The following PHACTR2 variants were observed in gnomAD, a reference collection of about 807,000 sequenced individuals.
The protein encoded by PHACTR2 is phosphatase and actin regulator 2.
A neutral mutation model predicts 76.0 loss-of-function variants in PHACTR2; 30 were observed. The ratio of observed to expected loss-of-function variants is 0.39; its 90% CI spans 0.30 to 0.54. The LOEUF is 0.54. PHACTR2 is among the 20% of genes least tolerant of loss of function. PHACTR2 has a pLI of 0.61. For missense variants in PHACTR2, 696 were observed against 781.1 expected, an observed-to-expected ratio of 0.89 and a Z score of 1.30; for synonymous variants, 292 against 292.5, an observed-to-expected ratio of 1.00 and a Z score of 0.02.
rs542659001 is a variant in PHACTR2 at position 143,777,405 on chromosome 6, A to G, written c.1645+22A>G. The stretch of plus-strand genomic sequence containing the variant: ...AAACGTGAGTATTCTATACTATAGA[A>G]TGATTCCTTGTGTAATCGCTAACAA... On this transcript the variant is annotated intron_variant, in intron 9 of 12. Transcript: ENST00000440869. The surrounding 1 kb of genome is among the most constrained non-coding windows in gnomAD (Gnocchi z 4.6). 2.9e-6 allele frequency: 4 copies of G among 1,397,044 alleles called. No homozygotes were observed. The highest frequency in any genetic ancestry group is 2.5e-5 in the South Asian group (2 of 81,038). The allele number at this position is 1,397,044 out of a possible 1,614,324, so 86.5% of individuals were successfully genotyped here. A position where few individuals can be genotyped will look rare whatever the true frequency, so the allele number is the denominator to read the frequency against.
At chr6:143,635,421 C>A (rs1776434447) in intron 1 of PHACTR2, among the ~76,000 whole-genome samples, 1 of 152,032 alleles carries the variant, frequency 6.6e-6, no homozygotes, top group Non-Finnish European at 1.5e-5. Flanking sequence ...AAATGTAGGA[C>A]AAACTCTTCA....
intron 2 of PHACTR2, among the ~76,000 whole-genome samples, chr6:143,747,945 C>T (rs574003560): frequency 6.6e-6 from 1 of 152,222 alleles, no homozygotes; most frequent in Non-Finnish European, 1.5e-5. Flanking sequence ...AATTGAGATC[C>T]TGCTCCGGAG....
In PHACTR2 at chr6:143,583,094, G is replaced by A. The variant is rs1775592966; in HGVS notation, c.217+45887G>A. Among the ~76,000 whole-genome samples the A allele has an allele frequency of 6.6e-6, 1 of 152,164 alleles. No individual in the cohort carries two copies. Among genetic ancestry groups the A allele is most frequent in the Non-Finnish European group, 1.5e-5 (1 of 68,030 alleles). On this transcript the variant is annotated intron_variant, in intron 1 of 11. Coordinates refer to the PHACTR2 transcript ENST00000367584. The surrounding 1 kb of genome is among the most constrained non-coding windows in gnomAD (Gnocchi z 4.0). Reference sequence around the variant, plus strand: ...GACTTCTCAGAGAATTTAGAATTTAGTTAAATTTCTATTCTTGTCTTTGAA... The same window carrying A: ...GACTTCTCAGAGAATTTAGAATTTAATTAAATTTCTATTCTTGTCTTTGAA...
Position 143,774,002 on chromosome 6 carries a change from G to C in PHACTR2, c.1433-57G>C, listed in dbSNP as rs56937105. 1.7e-3 allele frequency: 2,591 copies of C among 1,514,798 alleles called. 42 individuals are homozygous for C. In the African/African-American group the frequency reaches 0.032, roughly 18 times the overall value. 93.8% of individuals were successfully genotyped at this position (1,514,798 alleles called of 1,614,324 possible). On this transcript the variant is annotated intron_variant, in intron 7 of 12. Coordinates refer to ENST00000440869, the MANE Select transcript of PHACTR2 (RefSeq NM_001100164.2). The surrounding 1 kb of genome is among the most constrained non-coding windows in gnomAD (Gnocchi z 5.4). ...TTAAAGTCCATGCCATGTGTAACCT[G>C]AGTGCCACTGGCTAAAAGCCTCTCT...
At position 143,760,627 on chromosome 6, in the gene PHACTR2, G is replaced by T. The variant is rs762568614; in HGVS notation, c.681G>T (p.Thr227=). ...CACCCAAGCCAGCAAGCCGAAACAC[G>T]ACCCGAGAGGCTGGTGAGTATGCCC... is the stretch of plus-strand genomic sequence containing the variant. ...VPPPKPASRN[T]TREAAGSSHS... The change falls in exon 5 of 13, where the codon ACG becomes ACT. Residue 227 remains threonine (T), a synonymous_variant. Transcript: ENST00000440869. The surrounding 1 kb of genome is among the most constrained non-coding windows in gnomAD (Gnocchi z 6.4). The T allele has an allele frequency of 2.5e-6, 4 of 1,613,850 alleles. No homozygotes were observed. The East Asian group carries it at 6.7e-5, about 27-fold the overall frequency.
In PHACTR2 at chr6:143,741,529, G is replaced by A. The variant is rs1220702449; in HGVS notation, c.215-7456G>A. On this transcript the variant is annotated intron_variant, in intron 2 of 12. Coordinates refer to ENST00000440869, the MANE Select transcript of PHACTR2 (RefSeq NM_001100164.2). ...AACAATAATAATAAGAAGAAGAATT[G>A]CTTAGCTTATCTTTTAGGGATAGTG... Among the ~76,000 whole-genome samples, 4 of 152,134 alleles carry A rather than the reference G, an allele frequency of 2.6e-5. No individual in the cohort carries two copies. In the East Asian group the frequency reaches 7.7e-4, roughly 29 times the overall value.
chr6:143,688,075 G>A lies in PHACTR2; in HGVS notation c.46+9866G>A, dbSNP rs1352842816. ...GGATATGTAGAGAATTGTAGGACTA[G>A]ATCAGGAGGCAAAACACATAATGGG... On this transcript the variant is annotated intron_variant, in intron 1 of 12. Coordinates refer to ENST00000440869, the MANE Select transcript of PHACTR2 (RefSeq NM_001100164.2). The surrounding 1 kb of genome is among the most constrained non-coding windows in gnomAD (Gnocchi z 5.2). Among the ~76,000 whole-genome samples the A allele has an allele frequency of 6.6e-6, 1 of 152,094 alleles. No homozygotes were observed. The highest frequency in any genetic ancestry group is 2.4e-5 in the African/African-American group (1 of 41,414).
chr6:143,604,741 C>T (rs919076005), upstream of PHACTR2, among the ~76,000 whole-genome samples: 2 of 151,654 alleles, frequency 1.3e-5, no homozygotes, highest in African/African-American at 2.4e-5. Context: ...ATTAGCCAGG[C>T]GGTGGTGATT....
At chr6:143,615,974 C>G (rs1776053228) in intron 1 of PHACTR2, among the ~76,000 whole-genome samples, 1 of 152,096 alleles carries the variant, frequency 6.6e-6, no homozygotes, top group Non-Finnish European at 1.5e-5. Flanking sequence ...CACAGTGAAA[C>G]AATAATCTCA....
chr6:143,734,348 C>G (rs1375435945), intron 2 of PHACTR2, among the ~76,000 whole-genome samples: 1 of 152,182 alleles, frequency 6.6e-6, no homozygotes, highest in East Asian at 1.9e-4. Context: ...AGGAGTCTCC[C>G]TTGCTTCCTG....
chr6:143,629,309 A>G (rs1469524200), intron 1 of PHACTR2, among the ~76,000 whole-genome samples: 2 of 152,102 alleles, frequency 1.3e-5, no homozygotes, highest in African/African-American at 2.4e-5. Flanking sequence ...AGAGCAGAAC[A>G]TATTTTTGGC....
chr6:143,603,970 G>T (rs1261304597), upstream of PHACTR2, among the ~76,000 whole-genome samples: 1 of 151,788 alleles, frequency 6.6e-6, no homozygotes, highest in African/African-American at 2.4e-5. Flanking sequence ...ATGGTGACAG[G>T]TGCCTGTAAC....
rs1776211256 is a variant in PHACTR2, at chr6:143,812,933, T to C, written c.1922+5800T>C. Among the ~76,000 whole-genome samples the C allele has an allele frequency of 2.6e-5, 4 of 152,334 alleles. 1 individual carries two copies. The South Asian group carries it at 8.3e-4, about 32-fold the overall frequency. ...TTCTAAAGATAAATTGCATGAAAGG[T>C]CAAATTTTACTTAAGTTCTAAACTG... On this transcript the variant is annotated intron_variant, in intron 12 of 12. Coordinates refer to ENST00000440869, the MANE Select transcript of PHACTR2 (RefSeq NM_001100164.2).
chr6:143,702,400 C>G (rs1004196543), intron 1 of PHACTR2, among the ~76,000 whole-genome samples: 1 of 152,140 alleles, frequency 6.6e-6, no homozygotes, highest in Non-Finnish European at 1.5e-5. Context: ...AGCCACGGCA[C>G]CCAGCCTGCT....
chr6:143,782,213 G>A lies in PHACTR2; in HGVS notation c.1646-1006G>A, dbSNP rs974602036. Among the ~76,000 whole-genome samples, 2 of 152,060 alleles carry A rather than the reference G, an allele frequency of 1.3e-5. No homozygotes were observed. Among genetic ancestry groups the A allele is most frequent in the Admixed American group, 6.6e-5 (1 of 15,260 alleles). On this transcript the variant is annotated intron_variant, in intron 9 of 12. Transcript: ENST00000440869. This position sits in a 1 kb window ranked among gnomAD's most constrained non-coding sequence, Gnocchi z 4.6. ...TGCACTCTAGCCTGGGTGACAGAGC[G>A]AGAATCCGTTTCAAAAAATAAAATA...
At chr6:143,781,871 G>A (rs751398126) in intron 9 of PHACTR2, among the ~76,000 whole-genome samples, 1 of 152,116 alleles carries the variant, frequency 6.6e-6, no homozygotes, top group Non-Finnish European at 1.5e-5. Context: ...CTTGTCTTGT[G>A]GATGATTACA....
chr6:143,801,934 A>C lies in PHACTR2; in HGVS notation c.1846-5123A>C, dbSNP rs114849065. Among the ~76,000 whole-genome samples, 1 of 151,686 alleles carries C rather than the reference A, an allele frequency of 6.6e-6. No individual in the cohort carries two copies. Among genetic ancestry groups the C allele is most frequent in the Non-Finnish European group, 1.5e-5 (1 of 67,944 alleles). On this transcript the variant is annotated intron_variant, in intron 11 of 12. Transcript: ENST00000440869. This position sits in a 1 kb window ranked among gnomAD's most constrained non-coding sequence, Gnocchi z 4.6. ...TGATACTATTCCTTTCTGTTTGCTC[A>C]TTTTCCTTCTAACAGATAGGCCCCT...
At chr6:143,802,479 A>G (rs947027908) in intron 11 of PHACTR2, among the ~76,000 whole-genome samples, 9 of 145,128 alleles carry the variant, frequency 6.2e-5, no homozygotes, top group Non-Finnish European at 1.4e-4. Flanking sequence ...ATCTCCACAA[A>G]TTTTTTTTTT....
intron 1 of PHACTR2, among the ~76,000 whole-genome samples, chr6:143,552,053 A>G (rs2128427512): frequency 6.6e-6 from 1 of 152,356 alleles, no homozygotes; most frequent in East Asian, 1.9e-4. Flanking sequence ...CCTCTCTTCG[A>G]GTTCACTTTG....
Sources: allele counts gnomAD v4.1 joint callset (sites outside exome capture counted in the v4.1 genomes callset), GRCh38; gene constraint gnomAD v4.1.1; non-coding constraint Gnocchi (gnomAD v3.1); transcripts MANE v1.5; gene names NCBI Gene and HGNC (gene_info 2026-07-23, HGNC 2026-07-21).